The following RNF7 variants were observed in gnomAD, a reference collection of about 807,000 sequenced individuals.
The protein encoded by RNF7 is ring finger protein 7.
Under a neutral mutation model 17.0 loss-of-function variants are expected in RNF7, and 9 were observed. That is an observed-to-expected ratio of 0.53 (90% CI 0.32 to 0.92). The LOEUF is 0.92. RNF7 is among the 40% of genes least tolerant of loss of function. The pLI is 0.04. For synonymous variants in RNF7, 59 were observed against 50.5 expected, an observed-to-expected ratio of 1.17 and a Z score of -0.72; for missense variants, 87 against 145.8, an observed-to-expected ratio of 0.60 and a Z score of 2.08.
chr3:141,743,659 A>G, intron 2 of RNF7, 103 bp downstream of exon 2: 2 of 849,734 alleles, frequency 2.4e-6, no homozygotes, highest in Non-Finnish European at 3.8e-6. Context: ...ACACAAAAAT[A>G]AACTGTAAAG....
chr3:141,742,924 T>G, intron 1 of RNF7: 1 of 1,030,758 alleles, frequency 9.7e-7, no homozygotes, highest in Non-Finnish European at 1.2e-6. Context: ...ATGGATGACT[T>G]TAAAAAACTT....
At chr3:141,738,666 G>A in intron 1 of RNF7, 150 bp downstream of exon 1, 1 of 852,846 alleles carries the variant, frequency 1.2e-6, no homozygotes, top group Non-Finnish European at 1.7e-6. Context: ...CCGGAGGAAC[G>A]CGGAGCCACG....
chr3:141,744,312 A>G (rs1171168926), intron 2 of RNF7, among the ~76,000 whole-genome samples: 2 of 151,810 alleles, frequency 1.3e-5, no homozygotes, highest in Non-Finnish European at 2.9e-5. Flanking sequence ...CCTGTAGCCA[A>G]TTTTCATAGG....
Position 141,738,467 on chromosome 3 carries a change from C to G in RNF7, c.126C>G (p.Ser42Arg), listed in dbSNP as rs773986992. Residue 42 changes from serine (S) to arginine (R), a missense_variant, in exon 1 of 3, where the codon AGC becomes AGG. This residue lies in a region of RNF7 where 36 missense variants were observed against 104.7 expected (regional missense o/e 0.34). Transcript: ENST00000273480. The stretch of plus-strand genomic sequence containing the variant: ...AGTGGAACGCGGTGGCCATGTGGAG[C>G]TGGGACGTGGAGTGCGATACGTGCG... The part of the protein sequence containing the change: ...LKKWNAVAMW[S>R]WDVECDTCAI... 1 of 1,613,714 alleles carries G rather than the reference C, an allele frequency of 6.2e-7. No individual in the cohort carries two copies. The highest frequency in any genetic ancestry group is 8.5e-7 in the Non-Finnish European group (1 of 1,179,780).
chr3:141,742,692 A>T (rs2084432499), intron 1 of RNF7: 1 of 1,201,210 alleles, frequency 8.3e-7, no homozygotes, highest in Non-Finnish European at 1.1e-6. Context: ...AACCTAATAA[A>T]TGCCAGTGAA....
rs1413784321 is a variant in RNF7 at position 141,738,530 on chromosome 3, G to T, written c.175+14G>T. On this transcript the variant is annotated intron_variant, in intron 1 of 2. Coordinates refer to ENST00000273480, the MANE Select transcript of RNF7 (RefSeq NM_014245.5). ...TCCAGGTGATGGGTAAGCGCTGCAC[G>T]CGAGTCCAGGGCCGCCCTGCGGCCT... The T allele has an allele frequency of 6.2e-7, 1 of 1,603,038 alleles. No individual in the cohort carries two copies. The highest frequency in any genetic ancestry group is 1.1e-5 in the South Asian group (1 of 89,950).
chr3:141,740,308 T>C (rs1406864655), intron 1 of RNF7, among the ~76,000 whole-genome samples: 1 of 152,100 alleles, frequency 6.6e-6, no homozygotes, highest in Non-Finnish European at 1.5e-5. Flanking sequence ...TTCAAAAGAT[T>C]TGTCTCCCAA....
In RNF7 at chr3:141,742,005, C is replaced by G. The variant is rs1298769182; in HGVS notation, c.176-1504C>G. Among the ~76,000 whole-genome samples, 4 of 150,504 alleles carry G rather than the reference C, an allele frequency of 2.7e-5. 1 individual carries two copies. The highest frequency in any genetic ancestry group is 9.8e-5 in the African/African-American group (4 of 40,786). ...TTCTTTCTTTTTTTTTTTAAAAAAACTTTTAGGTTCAGGGCTACAAGTACA... is the reference window on the plus strand; with the variant it reads ...TTCTTTCTTTTTTTTTTTAAAAAAAGTTTTAGGTTCAGGGCTACAAGTACA... On this transcript the variant is annotated intron_variant, in intron 1 of 2. Coordinates refer to ENST00000273480, the MANE Select transcript of RNF7 (RefSeq NM_014245.5).
intron 1 of RNF7, among the ~76,000 whole-genome samples, chr3:141,741,128 T>G (rs2084412405): frequency 6.6e-6 from 1 of 152,244 alleles, no homozygotes; most frequent in Non-Finnish European, 1.5e-5. Flanking sequence ...TTTTGGAGCC[T>G]TATTTTCCTA....
At chr3:141,740,545 C>G (rs929453798) in intron 1 of RNF7, among the ~76,000 whole-genome samples, 14 of 152,150 alleles carry the variant, frequency 9.2e-5, no homozygotes, top group African/African-American at 3.1e-4. Context: ...ACTTTGGGTT[C>G]AGGAAATTAT....
At position 141,746,863 on chromosome 3, in the gene RNF7, G is replaced by A. The variant is rs753080142; in HGVS notation, c.*1586G>A. ...AAATTTTTCTTTATATTTTTTCACAGTTGTCTTTCTAGCTACTGAAAAAAT... is the reference window on the plus strand; with the variant it reads ...AAATTTTTCTTTATATTTTTTCACAATTGTCTTTCTAGCTACTGAAAAAAT... On this transcript the variant is annotated 3_prime_UTR_variant, in exon 3 of 3. Coordinates refer to ENST00000273480, the MANE Select transcript of RNF7 (RefSeq NM_014245.5). 1.1e-4 allele frequency: 16 copies of A among 152,168 alleles called. No individual in the cohort carries two copies. Among genetic ancestry groups the A allele is most frequent in the Middle Eastern group, 6.8e-3 (2 of 294 alleles). The allele number at this position is 152,168 out of a possible 1,614,324, so 9.4% of individuals were successfully genotyped here.
Position 141,738,325 on chromosome 3 carries a change from G to T in RNF7, c.-17G>T. On this transcript the variant is annotated 5_prime_UTR_variant, in exon 1 of 3. Transcript: ENST00000273480. Reference sequence around the variant, plus strand: ...TCCCCAAGCCAACGTCTCCGCCGTCGGCTCCGCGGCGCCGCCATGGCCGAC... The same window carrying T: ...TCCCCAAGCCAACGTCTCCGCCGTCTGCTCCGCGGCGCCGCCATGGCCGAC... 1 of 1,538,222 alleles carries T rather than the reference G, an allele frequency of 6.5e-7. No homozygotes were observed. Among genetic ancestry groups the T allele is most frequent in the Non-Finnish European group, 8.8e-7 (1 of 1,139,130 alleles).
chr3:141,739,070 G>A (rs1416868814), intron 1 of RNF7, among the ~76,000 whole-genome samples: 1 of 152,080 alleles, frequency 6.6e-6, no homozygotes, highest in Non-Finnish European at 1.5e-5. Flanking sequence ...TTGCATTTCC[G>A]GATTAGCTTA....
chr3:141,741,924 A>G (rs1224236533), intron 1 of RNF7, among the ~76,000 whole-genome samples: 3 of 152,158 alleles, frequency 2.0e-5, no homozygotes, highest in South Asian at 4.1e-4. Context: ...TAATTTATTA[A>G]AAGACTTTAC....
At chr3:141,739,785 G>T (rs2084395865) in intron 1 of RNF7, among the ~76,000 whole-genome samples, 1 of 152,170 alleles carries the variant, frequency 6.6e-6, no homozygotes, top group African/African-American at 2.4e-5. Flanking sequence ...TATTAGACAT[G>T]ACCCACTTAT....
intron 2 of RNF7, among the ~76,000 whole-genome samples, chr3:141,743,787 C>T (rs1335784045): frequency 6.6e-6 from 1 of 152,028 alleles, no homozygotes; most frequent in Non-Finnish European, 1.5e-5. Flanking sequence ...CAGACATGGT[C>T]ATAATAAACA....
At chr3:141,742,417 G>A (rs1312651431) in intron 1 of RNF7, among the ~76,000 whole-genome samples, 1 of 151,626 alleles carries the variant, frequency 6.6e-6, no homozygotes, top group Non-Finnish European at 1.5e-5. Context: ...TAGTAGAGAC[G>A]GGGTTTCACC....
intron 1 of RNF7, chr3:141,742,925 TA>T (rs1204042615): frequency 1.9e-6 from 2 of 1,030,102 alleles, no homozygotes; most frequent in Non-Finnish European, 2.3e-6. Flanking sequence ...TGGATGACTT[TA>T]AAAAACTTGT....
chr3:141,738,544 G>T, intron 1 of RNF7, 28 bp downstream of exon 1: 2 of 1,566,184 alleles, frequency 1.3e-6, no homozygotes, highest in Non-Finnish European at 1.7e-6. Context: ...GTCCAGGGCC[G>T]CCCTGCGGCC....
Sources: allele counts gnomAD v4.1 joint callset (sites outside exome capture counted in the v4.1 genomes callset), GRCh38; gene constraint gnomAD v4.1.1; regional missense constraint gnomAD v4.1.1; transcripts MANE v1.5; gene names NCBI Gene and HGNC (gene_info 2026-07-23, HGNC 2026-07-21).